ATXN1: variants seen among roughly 807,000 people sequenced by gnomAD.
ATXN1 encodes the protein ataxin-1.
In ATXN1, 8 loss-of-function variants were observed where a neutral mutation model predicts 56.4. That is an observed-to-expected ratio of 0.14 (90% confidence interval 0.08 to 0.26). The LOEUF is 0.26. Among genes scored for constraint, ATXN1 ranks in the 10% least tolerant of loss-of-function variants. ATXN1 has a pLI of 1.00. For synonymous variants in ATXN1, 514 were observed against 494.6 expected (o/e 1.04, Z -0.52); for missense variants, 987 against 1,106.5 (o/e 0.89, Z 1.53).
chr6:16,418,794 C>T (rs1026668846), intron 6 of ATXN1, among the ~76,000 whole-genome samples: 7 of 146,504 alleles, frequency 4.8e-5, no homozygotes, highest in African/African-American at 1.8e-4. Context: ...CAATTCCCAC[C>T]GCAATACTCC....
intron 6 of ATXN1, among the ~76,000 whole-genome samples, chr6:16,402,288 G>GTTTTTTTTTTTT (rs1758593337): frequency 1.3e-5 from 1 of 75,470 alleles, no homozygotes; most frequent in African/African-American, 5.2e-5. Context: ...TTTGCTTCTA[G>GTTTTTTTTTTTT]TTCTAATGCT....
intron 6 of ATXN1, among the ~76,000 whole-genome samples, chr6:16,385,305 G>A (rs979100602): frequency 1.3e-5 from 2 of 152,222 alleles, no homozygotes; most frequent in African/African-American, 4.8e-5. Flanking sequence ...TGTCACTCTG[G>A]TCATAGAGTA....
chr6:16,343,220 G>A (rs1023962049), intron 6 of ATXN1, among the ~76,000 whole-genome samples: 4 of 152,036 alleles, frequency 2.6e-5, no homozygotes, highest in African/African-American at 7.2e-5. Context: ...TGGTGGGCAC[G>A]TGTAGTCCCA....
At chr6:16,682,847 TA>T (rs1246346817) in intron 2 of ATXN1, among the ~76,000 whole-genome samples, 2 of 152,216 alleles carry the variant, frequency 1.3e-5, no homozygotes, top group Non-Finnish European at 2.9e-5. Flanking sequence ...GCAAGACTCT[TA>T]CTCTCCAGTC....
chr6:16,575,491 T>C (rs1370365253), intron 4 of ATXN1, among the ~76,000 whole-genome samples: 1 of 152,242 alleles, frequency 6.6e-6, no homozygotes, highest in African/African-American at 2.4e-5. Flanking sequence ...TACCCAGTTA[T>C]TCTAAGCTGT....
intron 3 of ATXN1, among the ~76,000 whole-genome samples, chr6:16,627,142 T>C (rs971020628): frequency 5.9e-5 from 9 of 152,182 alleles, no homozygotes; most frequent in African/African-American, 2.2e-4. Context: ...GAGGAGTCCA[T>C]ATGTCCACTT....
At chr6:16,464,546 A>C (rs1760063546) in intron 6 of ATXN1, among the ~76,000 whole-genome samples, 1 of 152,022 alleles carries the variant, frequency 6.6e-6, no homozygotes, top group African/African-American at 2.4e-5. Context: ...GAGCTGTAAC[A>C]CTCACCATGA....
intron 2 of ATXN1, among the ~76,000 whole-genome samples, chr6:16,723,067 A>C (rs1299421815): frequency 6.6e-6 from 1 of 152,210 alleles, no homozygotes; most frequent in Non-Finnish European, 1.5e-5. Context: ...AAAATATTTC[A>C]GACTGTGTTT....
intron 4 of ATXN1, among the ~76,000 whole-genome samples, chr6:16,529,503 C>A (rs1452123891): frequency 6.6e-6 from 1 of 152,100 alleles, no homozygotes; most frequent in African/African-American, 2.4e-5. Flanking sequence ...CAAAGTGTGG[C>A]AGATTGAACA....
At chr6:16,701,421 A>G (rs1561814294) in intron 2 of ATXN1, among the ~76,000 whole-genome samples, 1 of 152,088 alleles carries the variant, frequency 6.6e-6, no homozygotes. Context: ...ATTCCTTTAC[A>G]CACAAGACAG....
chr6:16,742,104 G>A (rs1050255868), intron 2 of ATXN1, among the ~76,000 whole-genome samples: 25 of 151,964 alleles, frequency 1.6e-4, no homozygotes, highest in Non-Finnish European at 1.3e-4. Flanking sequence ...AATAACCATG[G>A]CATTTTTTTC....
At chr6:16,581,897 A>C (rs1762537353) in intron 4 of ATXN1, among the ~76,000 whole-genome samples, 2 of 152,228 alleles carry the variant, frequency 1.3e-5, no homozygotes, top group African/African-American at 4.8e-5. Flanking sequence ...ACATGTTTGT[A>C]GAGTTATAAA....
chr6:16,327,096 G>A lies in ATXN1; in HGVS notation c.1215C>T (p.Ala405=), dbSNP rs1446212948. Reference sequence around the variant, plus strand: ...TTTTGTCGTTGAGGGTAGAAGGGGAGGCTTCACGATGAGTGGCCTGTTGCA... The same window carrying A: ...TTTTGTCGTTGAGGGTAGAAGGGGAAGCTTCACGATGAGTGGCCTGTTGCA... The part of the protein sequence containing the change: ...LEVQQATHRE[A]SPSTLNDKSG... Residue 405 remains alanine (A), a synonymous_variant, in exon 7 of 8, where the codon GCC becomes GCT. Coordinates refer to ENST00000436367, the MANE Select transcript of ATXN1 (RefSeq NM_001128164.2). The A allele has an allele frequency of 1.2e-6, 2 of 1,613,658 alleles. No individual in the cohort carries two copies. The highest frequency in any genetic ancestry group is 2.7e-5 in the African/African-American group (2 of 74,924).
chr6:16,318,393 C>T (rs1031048476), intron 7 of ATXN1, among the ~76,000 whole-genome samples: 2 of 152,080 alleles, frequency 1.3e-5, no homozygotes, highest in Admixed American at 1.3e-4. Context: ...ACTTTGTCTG[C>T]AAGTGAAATT....
chr6:16,673,469 CA>C (rs1758589409), intron 2 of ATXN1, among the ~76,000 whole-genome samples: 1 of 152,160 alleles, frequency 6.6e-6, no homozygotes, highest in African/African-American at 2.4e-5. Context: ...CTTACCTCCT[CA>C]CCTTTGTCAA....
At chr6:16,725,620 T>A (rs1759832097) in intron 2 of ATXN1, among the ~76,000 whole-genome samples, 1 of 152,182 alleles carries the variant, frequency 6.6e-6, no homozygotes. Flanking sequence ...CTTCCTCTCA[T>A]CAGTAAGGTC....
intron 3 of ATXN1, among the ~76,000 whole-genome samples, chr6:16,656,802 A>G (rs1421513991): frequency 6.6e-6 from 1 of 152,060 alleles, no homozygotes; most frequent in Non-Finnish European, 1.5e-5. Flanking sequence ...ACAGGCCTGG[A>G]TGGTACACCC....
chr6:16,329,637 T>G (rs1230590313), intron 6 of ATXN1, among the ~76,000 whole-genome samples: 1 of 152,220 alleles, frequency 6.6e-6, no homozygotes, highest in Non-Finnish European at 1.5e-5. Context: ...TCTCTCTTCC[T>G]TTTCAAGTTG....
intron 2 of ATXN1, chr6:16,739,042 G>C (rs1760236898): frequency 6.6e-6 from 1 of 151,934 alleles, no homozygotes; most frequent in Non-Finnish European, 1.5e-5. Context: ...CTCCCAACGA[G>C]GGGCATATAT....
Sources: allele counts gnomAD v4.1 joint callset (sites outside exome capture counted in the v4.1 genomes callset), GRCh38; gene constraint gnomAD v4.1.1; transcripts MANE v1.5; gene names NCBI Gene and HGNC (gene_info 2026-07-23, HGNC 2026-07-21).